RIC8B: variants seen among roughly 807,000 people sequenced by gnomAD.
RIC8B encodes the protein RIC8 guanine nucleotide exchange factor B, also known as chaperone Ric-8B.
A neutral mutation model predicts 57.5 loss-of-function variants in RIC8B; 16 were observed. That is an observed-to-expected ratio of 0.28 (90% CI 0.19 to 0.42). RIC8B has a LOEUF of 0.42. Among genes scored for constraint, RIC8B ranks in the 10% least tolerant of loss-of-function variants. RIC8B has a pLI of 1.00. For synonymous variants in RIC8B, 216 were observed against 250.8 expected, an observed-to-expected ratio of 0.86 and a Z score of 1.31; for missense variants, 481 against 677.0, an observed-to-expected ratio of 0.71 and a Z score of 3.21.
chr12:106,804,181 C>T (rs765445690), intron 2 of RIC8B, among the ~76,000 whole-genome samples: 25 of 152,000 alleles, frequency 1.6e-4, no homozygotes, highest in African/African-American at 5.5e-4. Context: ...CCCTCAACAA[C>T]CCTATGAAGT....
chr12:106,864,035 A>T (rs963461887), intron 8 of RIC8B, among the ~76,000 whole-genome samples: 4 of 152,160 alleles, frequency 2.6e-5, no homozygotes, highest in African/African-American at 9.7e-5. Flanking sequence ...AAGTAAATGA[A>T]AGAATGACAC....
intron 5 of RIC8B, 128 bp from the exon 6 acceptor site, chr12:106,843,723 CA>C (rs11384376): frequency 0.14 from 36,771 of 255,350 alleles, 21 homozygotes; most frequent in Middle Eastern, 0.16. Flanking sequence ...CTCCCTCTCC[CA>C]AAAAAAAAAA....
chr12:106,859,028 C>T (rs1397639141), intron 7 of RIC8B, among the ~76,000 whole-genome samples: 1 of 152,040 alleles, frequency 6.6e-6, no homozygotes, highest in African/African-American at 2.4e-5. Context: ...TCTTCTCCAG[C>T]TCTATTTTGT....
chr12:106,836,464 A>G (rs752325370), intron 4 of RIC8B, among the ~76,000 whole-genome samples: 5 of 152,084 alleles, frequency 3.3e-5, no homozygotes, highest in Non-Finnish European at 5.9e-5. Flanking sequence ...TAAACTCTCT[A>G]TCATCCCCCT....
chr12:106,794,330 C>A (rs913309282), intron 2 of RIC8B, among the ~76,000 whole-genome samples: 1 of 151,784 alleles, frequency 6.6e-6, no homozygotes, highest in Non-Finnish European at 1.5e-5. Context: ...CATTTACATA[C>A]CAGCCTACAC....
rs144067079 is a variant in RIC8B, at chr12:106,778,134, C to T, written c.84+3305C>T. Reference sequence around the variant, plus strand: ...GTTAGCTTTGAACAAAAAAATTAAACGTGGCATGAGTTGGGATAGCACGAT... The same window carrying T: ...GTTAGCTTTGAACAAAAAAATTAAATGTGGCATGAGTTGGGATAGCACGAT... On this transcript the variant is annotated intron_variant, in intron 1 of 9. Transcript: ENST00000392837. Among the ~76,000 whole-genome samples the T allele has an allele frequency of 2.0e-4, 30 of 152,298 alleles. 1 individual carries two copies. The East Asian group carries it at 4.8e-3, about 24-fold the overall frequency.
intron 3 of RIC8B, chr12:106,822,549 G>A (rs2045903959): frequency 6.6e-6 from 1 of 152,174 alleles, no homozygotes; most frequent in Non-Finnish European, 1.5e-5. Flanking sequence ...TTCATACATT[G>A]GAATACTATA....
intron 2 of RIC8B, chr12:106,797,951 C>T (rs2044558023): frequency 4.4e-6 from 3 of 677,810 alleles, no homozygotes; most frequent in African/African-American, 1.8e-5. Context: ...GTTTATGAAT[C>T]GATTCTATTT....
At chr12:106,834,188 G>A (rs770211917) in intron 4 of RIC8B, among the ~76,000 whole-genome samples, 1 of 152,218 alleles carries the variant, frequency 6.6e-6, no homozygotes, top group Non-Finnish European at 1.5e-5. Flanking sequence ...TCATGTTACA[G>A]ATAATTTCCA....
At chr12:106,811,630 C>T (rs1474755374) in intron 2 of RIC8B, among the ~76,000 whole-genome samples, 1 of 152,084 alleles carries the variant, frequency 6.6e-6, no homozygotes, top group East Asian at 1.9e-4. Context: ...AGGAAAGACT[C>T]AGGATGTATC....
At chr12:106,857,704 T>A (rs1949764687) in intron 7 of RIC8B, among the ~76,000 whole-genome samples, 1 of 152,220 alleles carries the variant, frequency 6.6e-6, no homozygotes, top group South Asian at 2.1e-4. Flanking sequence ...AACATCCAAG[T>A]GCAGTCAGTT....
chr12:106,826,208 G>C (rs932526869), intron 4 of RIC8B, among the ~76,000 whole-genome samples: 5 of 152,164 alleles, frequency 3.3e-5, no homozygotes, highest in African/African-American at 1.2e-4. Context: ...TTATAAGGTA[G>C]ATTCTGCAAT....
At chr12:106,830,230 C>T (rs1327014507) in intron 4 of RIC8B, among the ~76,000 whole-genome samples, 1 of 152,142 alleles carries the variant, frequency 6.6e-6, no homozygotes, top group East Asian at 1.9e-4. Context: ...TGGGGATTTT[C>T]ATAAGGATTG....
chr12:106,852,397 G>A (rs1005120639), intron 7 of RIC8B, among the ~76,000 whole-genome samples: 1 of 152,136 alleles, frequency 6.6e-6, no homozygotes, highest in Non-Finnish European at 1.5e-5. Context: ...ATAATTTGGA[G>A]ATGGAAAAGT....
chr12:106,868,589 C>T lies in RIC8B; in HGVS notation c.1452-2234C>T, dbSNP rs551308699. On this transcript the variant is annotated intron_variant, in intron 8 of 9. Coordinates refer to ENST00000392837, the MANE Select transcript of RIC8B (RefSeq NM_001330145.2). The stretch of plus-strand genomic sequence containing the variant: ...TTTTCAGTGTGGCATCTGGATACGT[C>T]TCCATAGTTCTCAGAAGCCTTGTCT... 2.0e-5 allele frequency among the ~76,000 whole-genome samples: 3 copies of T among 152,182 alleles called. No individual in the cohort carries two copies. The East Asian group carries it at 5.8e-4, about 29-fold the overall frequency.
intron 2 of RIC8B, among the ~76,000 whole-genome samples, chr12:106,803,609 C>T (rs2044853930): frequency 6.6e-6 from 1 of 152,182 alleles, no homozygotes; most frequent in Non-Finnish European, 1.5e-5. Context: ...TTCACTTTCT[C>T]TGTGCCCCTT....
At chr12:106,786,419 G>A (rs2044029755) in intron 2 of RIC8B, among the ~76,000 whole-genome samples, 1 of 152,142 alleles carries the variant, frequency 6.6e-6, no homozygotes, top group Admixed American at 6.5e-5. Flanking sequence ...AAAGTGTTGG[G>A]ATTACAGGCG....
chr12:106,874,343 T>G, intron 9 of RIC8B: 1 of 688,436 alleles, frequency 1.5e-6, no homozygotes, highest in East Asian at 2.8e-5. Flanking sequence ...ACCATAGCTT[T>G]GTCTGATTAA....
intron 2 of RIC8B, among the ~76,000 whole-genome samples, chr12:106,792,820 G>A (rs955976030): frequency 4.6e-5 from 7 of 152,128 alleles, no homozygotes; most frequent in Admixed American, 3.3e-4. Context: ...AAAAAAGCAA[G>A]GAAAGTGAAA....
Sources: gnomAD v4.1 joint callset for allele counts (sites outside exome capture counted in the v4.1 genomes callset) on GRCh38, gnomAD v4.1.1 for gene constraint, MANE v1.5 for transcripts, NCBI Gene and HGNC (gene_info 2026-07-23, HGNC 2026-07-21) for gene names.